Variants in GREB1 observed in about 807,000 individuals in gnomAD.
GREB1 encodes the protein growth regulating estrogen receptor binding 1, also known as protein GREB1.
In GREB1, 106 loss-of-function variants were observed where a neutral mutation model predicts 200.7. The ratio of observed to expected loss-of-function variants is 0.53; its 90% confidence interval spans 0.45 to 0.62. The LOEUF (loss-of-function observed/expected upper bound fraction) is 0.62, where lower values mean the gene tolerates loss of function less well. GREB1 is among the 20% of genes least tolerant of loss of function. The pLI is 0.00. For synonymous variants in GREB1, 1,132 were observed against 1,092.4 expected (o/e 1.04, Z -0.72); for missense variants, 2,243 against 2,556.8 (o/e 0.88, Z 2.65).
At chr2:11,505,480 A>G (rs1028630069) in intron 1 of GREB1, among the ~76,000 whole-genome samples, 1 of 152,142 alleles carries the variant, frequency 6.6e-6, no homozygotes, top group African/African-American at 2.4e-5. Flanking sequence ...TACTTCCCTG[A>G]GAGTTTGTCC....
At chr2:11,484,091 C>T (rs1025167835) in intron 1 of GREB1, among the ~76,000 whole-genome samples, 1 of 152,144 alleles carries the variant, frequency 6.6e-6, no homozygotes, top group African/African-American at 2.4e-5. Flanking sequence ...GTCATGCCGC[C>T]TGGTTTGTAG....
rs748648233 is a variant in GREB1 at position 11,537,853 on chromosome 2, TCTAC to T, written c.-162+3603_-162+3606del. Among the ~76,000 whole-genome samples, 126 of 151,752 alleles carry T rather than the reference TCTAC, an allele frequency of 8.3e-4. 2 individuals carry two copies. The highest frequency in any genetic ancestry group is 1.5e-4 in the Non-Finnish European group (10 of 67,930). On this transcript the variant is annotated intron_variant, in intron 1 of 32. Transcript: ENST00000381486. ...TAAGAATTTAAAATTATCCGCAGGA[TCTAC>T]CTATCTTTCTATACAGTAAATGTAT...
intron 11 of GREB1, 54 bp downstream of exon 11, chr2:11,593,180 C>G: frequency 8.0e-7 from 1 of 1,253,650 alleles, no homozygotes; most frequent in East Asian, 2.6e-5. Context: ...TGTTCCCGGT[C>G]CCCTCCTTTG....
intron 25 of GREB1, among the ~76,000 whole-genome samples, chr2:11,628,861 G>A (rs1028084977): frequency 3.9e-5 from 6 of 152,146 alleles, no homozygotes; most frequent in African/African-American, 1.4e-4. Context: ...AGGTCTGGGG[G>A]CCACAGTGGA....
intron 1 of GREB1, among the ~76,000 whole-genome samples, chr2:11,522,476 C>T (rs757060976): frequency 1.3e-5 from 2 of 152,116 alleles, no homozygotes; most frequent in Non-Finnish European, 2.9e-5. Flanking sequence ...CAACTGTCGC[C>T]TGAATACTGG....
chr2:11,505,372 T>G (rs1335517507), intron 1 of GREB1, among the ~76,000 whole-genome samples: 1 of 152,160 alleles, frequency 6.6e-6, no homozygotes, highest in Non-Finnish European at 1.5e-5. Context: ...GAGCACATTC[T>G]GTCATGGTGC....
intron 17 of GREB1, among the ~76,000 whole-genome samples, chr2:11,606,113 C>T (rs1005810343): frequency 6.6e-6 from 1 of 152,232 alleles, no homozygotes; most frequent in African/African-American, 2.4e-5. Context: ...TCCATGCATA[C>T]TCCAGTCCCA....
At position 11,597,822 on chromosome 2, in the gene GREB1, G is replaced by T. The variant is rs779487141; in HGVS notation, c.1996G>T (p.Ala666Ser). The T allele has an allele frequency of 4.3e-6, 7 of 1,614,198 alleles. No individual in the cohort carries two copies. The highest frequency in any genetic ancestry group is 3.3e-4 in the Middle Eastern group (2 of 6,062). ...ACACAGCATCCGGCCCTTCCAGCTG[G>T]CAGTAGCGCAGAAGCTCCTCTCCCA... is the stretch of plus-strand genomic sequence containing the variant. ...EPHSIRPFQL[A>S]VAQKLLSHVC... The change falls in exon 14 of 33, where the codon GCA becomes TCA. Residue 666 changes from alanine to serine, a missense_variant. By Grantham distance (99) the Ala-to-Ser change is moderately conservative. This residue lies in a region of GREB1 where 1,178 missense variants were observed against 1,387.4 expected (regional missense o/e 0.85). Coordinates refer to ENST00000381486, the MANE Select transcript of GREB1 (RefSeq NM_014668.4). This position sits in a 1 kb window ranked among gnomAD's most constrained non-coding sequence, Gnocchi z 4.1.
rs938736528 is a variant in GREB1, at chr2:11,632,770, T to G, written c.4817-119T>G. The stretch of plus-strand genomic sequence containing the variant: ...GCTGTGTTTTGTGACAGGTGATTCA[T>G]GTCAGGAAGGTCGGGGCTGGCTTGT... On this transcript the variant is annotated intron_variant, in intron 27 of 32. Transcript: ENST00000381486. 29 of 745,710 alleles carry G rather than the reference T, an allele frequency of 3.9e-5. No individual in the cohort carries two copies. The African/African-American group carries it at 4.7e-4, about 12-fold the overall frequency. 46.2% of individuals were successfully genotyped at this position (745,710 alleles called of 1,614,324 possible). A position where few individuals can be genotyped will look rare whatever the true frequency, so the allele number is the denominator to read the frequency against.
chr2:11,591,394 A>G (rs748264310), intron 10 of GREB1: 3 of 734,228 alleles, frequency 4.1e-6, no homozygotes, highest in Non-Finnish European at 7.6e-6. Context: ...ACTTTCTTCC[A>G]GCACATCAAA....
intron 1 of GREB1, among the ~76,000 whole-genome samples, chr2:11,551,763 G>A (rs9784026): frequency 5.9e-5 from 9 of 152,174 alleles, no homozygotes; most frequent in South Asian, 2.1e-4. Context: ...TTCGATTCCC[G>A]GTCATGGAAC....
chr2:11,497,924 T>G (rs1043704823), intron 1 of GREB1, among the ~76,000 whole-genome samples: 7 of 151,550 alleles, frequency 4.6e-5, no homozygotes, highest in Non-Finnish European at 5.9e-5. Flanking sequence ...CTTCCATTCT[T>G]TAGTTTGTCT....
chr2:11,640,616 C>A lies in GREB1; in HGVS notation c.*162C>A. The A allele has an allele frequency of 1.3e-6, 1 of 752,330 alleles. No homozygotes were observed. 46.6% of individuals were successfully genotyped at this position (752,330 alleles called of 1,614,324 possible). ...ACACATGGGCCCCCGAGGCCGTGGTCCTGGGAGCCAGGAAGACTCCGCAGT... is the reference window on the plus strand; with the variant it reads ...ACACATGGGCCCCCGAGGCCGTGGTACTGGGAGCCAGGAAGACTCCGCAGT... On this transcript the variant is annotated 3_prime_UTR_variant, in exon 33 of 33. Transcript: ENST00000381486. The surrounding 1 kb of genome is among the most constrained non-coding windows in gnomAD (Gnocchi z 4.6).
rs371142045 is a variant in GREB1 at position 11,634,311 on chromosome 2, C to T, written c.5172C>T (p.Asn1724=). Residue 1724 remains asparagine, a synonymous_variant, in exon 29 of 33, where the codon AAC becomes AAT. Coordinates refer to ENST00000381486, the MANE Select transcript of GREB1 (RefSeq NM_014668.4). ...RCHVHNFIIL[N]VDLTQNVQYN... ...ACGTGCACAACTTCATCATCCTGAA[C>T]GTGGACCTGACCCAGAACGTGCAGT... 8 of 1,613,984 alleles carry T rather than the reference C, an allele frequency of 5.0e-6. No homozygotes were observed. Among genetic ancestry groups the T allele is most frequent in the East Asian group, 2.2e-5 (1 of 44,888 alleles).
At chr2:11,630,875 C>CAA (rs2148419826) in intron 26 of GREB1, among the ~76,000 whole-genome samples, 1 of 152,294 alleles carries the variant, frequency 6.6e-6, no homozygotes, top group African/African-American at 2.4e-5. Flanking sequence ...TTTAACCAGC[C>CAA]CCGCTCAAGG....
chr2:11,508,054 T>G (rs1673232608), intron 1 of GREB1, among the ~76,000 whole-genome samples: 1 of 152,224 alleles, frequency 6.6e-6, no homozygotes, highest in Non-Finnish European at 1.5e-5. Flanking sequence ...CAGAGACTTC[T>G]AGACAGCTTC....
In GREB1 at chr2:11,578,437, GTGGTGGAGACA is replaced by G; in HGVS notation, c.772+7_772+17del. ...GATGGGAGCTCAGCAGGCAGGTGAG[GTGGTGGAGACA>G]CACCAGAGCTGCTAAACCCACAGAG... On this transcript the variant is annotated splice_region_variant and intron_variant, in intron 6 of 32. Coordinates refer to ENST00000381486, the MANE Select transcript of GREB1 (RefSeq NM_014668.4). 1 of 1,613,542 alleles carries G rather than the reference GTGGTGGAGACA, an allele frequency of 6.2e-7. No homozygotes were observed. Among genetic ancestry groups the G allele is most frequent in the Non-Finnish European group, 8.5e-7 (1 of 1,179,964 alleles).
At chr2:11,634,021 C>A in intron 28 of GREB1, 110 bp from the exon 29 acceptor site, 1 of 1,026,772 alleles carries the variant, frequency 9.7e-7, no homozygotes, top group Non-Finnish European at 1.5e-6. Flanking sequence ...GGCACCGGCC[C>A]GTCCAGGTGT....
At chr2:11,536,960 C>CT (rs892370045) in intron 1 of GREB1, among the ~76,000 whole-genome samples, 7 of 151,550 alleles carry the variant, frequency 4.6e-5, no homozygotes, top group East Asian at 1.9e-4. Context: ...TAGATATTTT[C>CT]TTTTTTTTTA....
Sources: allele counts gnomAD v4.1 joint callset (sites outside exome capture counted in the v4.1 genomes callset), GRCh38; gene constraint gnomAD v4.1.1; regional missense constraint gnomAD v4.1.1; non-coding constraint Gnocchi (gnomAD v3.1); transcripts MANE v1.5; gene names NCBI Gene and HGNC (gene_info 2026-07-23, HGNC 2026-07-21).